Variants in BIRC6 observed in about 807,000 individuals in gnomAD.
The protein encoded by BIRC6 is dual E2 ubiquitin-conjugating enzyme/E3 ubiquitin-protein ligase BIRC6.
Under a neutral mutation model 503.3 loss-of-function variants are expected in BIRC6, and 98 were observed. That is an observed-to-expected ratio of 0.19 (90% CI 0.17 to 0.23). BIRC6 has a LOEUF of 0.23. Among genes scored for constraint, BIRC6 ranks in the 10% least tolerant of loss-of-function variants. The pLI is 1.00. For missense variants in BIRC6, 5,360 were observed against 5,806.0 expected, an observed-to-expected ratio of 0.92 and a Z score of 2.50; for synonymous variants, 2,240 against 2,078.7, an observed-to-expected ratio of 1.08 and a Z score of -2.11.
At chr2:32,592,073 G>A (rs1422978776) in intron 66 of BIRC6, among the ~76,000 whole-genome samples, 1 of 152,110 alleles carries the variant, frequency 6.6e-6, no homozygotes, top group Non-Finnish European at 1.5e-5. Context: ...TAGTTGACTC[G>A]AGCAGTAAAA....
At chr2:32,458,749 C>T (rs1280207687) in intron 23 of BIRC6, among the ~76,000 whole-genome samples, 1 of 131,620 alleles carries the variant, frequency 7.6e-6, no homozygotes, top group African/African-American at 3.0e-5. Context: ...GGCTGAAGTG[C>T]AGTGGCTCAA....
rs761915510 is a variant in BIRC6 at position 32,470,263 on chromosome 2, C to G, written c.6443C>G (p.Pro2148Arg). 4.4e-6 allele frequency: 7 copies of G among 1,574,410 alleles called. No homozygotes were observed. The highest frequency in any genetic ancestry group is 5.2e-6 in the Non-Finnish European group (6 of 1,158,446). The change falls in exon 31 of 74, where the codon CCT becomes CGT. Residue 2148 changes from proline to arginine, a missense_variant. By Grantham distance (103) the Pro-to-Arg change is moderately radical. This residue lies in a region of BIRC6 where 2,299 missense variants were observed against 2,267.2 expected (regional missense o/e 1.01). Coordinates refer to ENST00000421745, the MANE Select transcript of BIRC6 (RefSeq NM_016252.4). ...LLNLLDNLLSPLQPQLPMHRR... is the reference protein window; with the variant it reads ...LLNLLDNLLSRLQPQLPMHRR... ...AATCTCTTGGATAATTTATTGTCAC[C>G]TCTTCAGCCACAGTTACCCATGCAT...
intron 53 of BIRC6, among the ~76,000 whole-genome samples, chr2:32,511,833 A>G (rs1033688621): frequency 5.9e-5 from 9 of 152,112 alleles, no homozygotes; most frequent in Non-Finnish European, 1.0e-4. Flanking sequence ...TATTAAAATT[A>G]TGGATTACAT....
chr2:32,426,889 G>A (rs2147851106), intron 10 of BIRC6, among the ~76,000 whole-genome samples: 1 of 152,232 alleles, frequency 6.6e-6, no homozygotes, highest in East Asian at 1.9e-4. Flanking sequence ...ATTCATTTTT[G>A]AGGATTAATG....
chr2:32,435,439 AT>A, intron 13 of BIRC6, 56 bp from the exon 14 acceptor site: 2 of 1,453,948 alleles, frequency 1.4e-6, no homozygotes, highest in South Asian at 1.5e-5. Flanking sequence ...GTTTACTAAT[AT>A]TTTTATCCTC....
In BIRC6 at chr2:32,531,791, A is replaced by T. The variant is rs80146746; in HGVS notation, c.12291+240A>T. 5.9e-5 allele frequency among the ~76,000 whole-genome samples: 9 copies of T among 152,328 alleles called. No individual in the cohort carries two copies. In the South Asian group the frequency reaches 8.3e-4, roughly 14 times the overall value. On this transcript the variant is annotated intron_variant, in intron 61 of 73. Coordinates refer to ENST00000421745, the MANE Select transcript of BIRC6 (RefSeq NM_016252.4). ...CCAGACTTACTACACTGTTGCATTT[A>T]TCTTGATTTCATGGTTGTAACACTA...
chr2:32,441,886 G>A (rs993782950), intron 17 of BIRC6, among the ~76,000 whole-genome samples, 179 bp from the exon 18 acceptor site: 4 of 152,032 alleles, frequency 2.6e-5, no homozygotes, highest in East Asian at 1.9e-4. Flanking sequence ...ACACATTATT[G>A]TAAATGTTAT....
Position 32,388,101 on chromosome 2 carries a change from C to T in BIRC6, c.646-649C>T, listed in dbSNP as rs887935163. Among the ~76,000 whole-genome samples, 9 of 151,894 alleles carry T rather than the reference C, an allele frequency of 5.9e-5. 1 individual carries two copies. Among genetic ancestry groups the T allele is most frequent in the Admixed American group, 2.0e-4 (3 of 15,220 alleles). On this transcript the variant is annotated intron_variant, in intron 3 of 73. Transcript: ENST00000421745. The stretch of plus-strand genomic sequence containing the variant: ...TTTAGCAATTTTGAAATATACAATA[C>T]GTGGGCCAGGCGCAGTGGCTCATGC...
chr2:32,500,405 C>T (rs1409213796), intron 46 of BIRC6, among the ~76,000 whole-genome samples: 1 of 148,114 alleles, frequency 6.8e-6, no homozygotes, highest in East Asian at 2.0e-4. Context: ...AGGTGCCTGC[C>T]ACCACACCCA....
intron 5 of BIRC6, among the ~76,000 whole-genome samples, chr2:32,394,194 A>G (rs1353840520): frequency 2.0e-5 from 3 of 149,224 alleles, no homozygotes; most frequent in African/African-American, 7.4e-5. Flanking sequence ...TGTTCATTAT[A>G]TTCTGTCTTT....
rs1208638879 is a variant in BIRC6 at position 32,545,693 on chromosome 2, C to G, written c.12643C>G (p.His4215Asp). ...CAATGTGCTTCCAACCCTTCCTTTCCACGTCCTTCGTAGCTTGTTTAGCAC... is the reference window on the plus strand; with the variant it reads ...CAATGTGCTTCCAACCCTTCCTTTCGACGTCCTTCGTAGCTTGTTTAGCAC... The part of the protein sequence containing the change: ...SANVLPTLPF[H>D]VLRSLFSTTP... Residue 4215 changes from histidine (H) to aspartate (D), a missense_variant, in exon 63 of 74, where the codon CAC (histidine) becomes GAC (aspartate). Physicochemically the swap from His to Asp is moderately conservative, Grantham distance 81. Around this residue, in one of 16 missense-constraint regions of BIRC6, gnomAD observed 477 missense variants for 574.4 expected, o/e 0.83. Coordinates refer to ENST00000421745, the MANE Select transcript of BIRC6 (RefSeq NM_016252.4). The G allele has an allele frequency of 6.2e-7, 1 of 1,613,658 alleles. No homozygotes were observed. The highest frequency in any genetic ancestry group is 2.2e-5 in the East Asian group (1 of 44,878).
In BIRC6 at chr2:32,593,797, T is replaced by C. The variant is rs540659245; in HGVS notation, c.13356-118T>C. The C allele has an allele frequency of 1.1e-5, 10 of 893,388 alleles. No individual in the cohort carries two copies. The South Asian group carries it at 1.2e-4, about 11-fold the overall frequency. 55.3% of individuals were successfully genotyped at this position (893,388 alleles called of 1,614,324 possible). ...CAGTGGCTTCAAAAGCAAGTTAATA[T>C]AGATCATGTGTGTGACAAATGAAAT... is the stretch of plus-strand genomic sequence containing the variant. On this transcript the variant is annotated intron_variant, in intron 66 of 73. Transcript: ENST00000421745.
intron 21 of BIRC6, among the ~76,000 whole-genome samples, chr2:32,446,028 G>A (rs1029442563): frequency 8.6e-5 from 13 of 151,750 alleles, no homozygotes; most frequent in African/African-American, 3.1e-4. Flanking sequence ...GGCTAATTTT[G>A]TATGTTTAGT....
chr2:32,578,426 A>G (rs891947957), intron 66 of BIRC6, among the ~76,000 whole-genome samples: 1 of 152,146 alleles, frequency 6.6e-6, no homozygotes, highest in African/African-American at 2.4e-5. Flanking sequence ...ATTCAGGAAA[A>G]TGTGTTCTGT....
intron 22 of BIRC6, 134 bp from the exon 23 acceptor site, chr2:32,453,674 G>C: frequency 1.3e-6 from 1 of 788,712 alleles, no homozygotes; most frequent in South Asian, 2.3e-5. Flanking sequence ...CCATGCCCAT[G>C]ATTCAAGCAC....
chr2:32,591,825 G>A (rs947795278), intron 66 of BIRC6, among the ~76,000 whole-genome samples: 4 of 152,160 alleles, frequency 2.6e-5, no homozygotes, highest in Non-Finnish European at 5.9e-5. Context: ...TGGTAATAGA[G>A]AATCATTTAC....
At chr2:32,555,154 A>G (rs1322069418) in intron 65 of BIRC6, among the ~76,000 whole-genome samples, 1 of 152,196 alleles carries the variant, frequency 6.6e-6, no homozygotes, top group Admixed American at 6.5e-5. Flanking sequence ...ATCCTTATTT[A>G]TAGTTTTCAT....
chr2:32,549,976 A>G (rs1270200904), intron 65 of BIRC6, among the ~76,000 whole-genome samples: 9 of 152,210 alleles, frequency 5.9e-5, no homozygotes, highest in Admixed American at 5.9e-4. Flanking sequence ...CCAGTATACA[A>G]CTGATTATTG....
intron 9 of BIRC6, among the ~76,000 whole-genome samples, chr2:32,411,414 T>C (rs908566422): frequency 6.8e-6 from 1 of 148,090 alleles, no homozygotes; most frequent in African/African-American, 2.5e-5. Flanking sequence ...TATATATATA[T>C]ATATTTTATT....
Sources: gnomAD v4.1 joint callset for allele counts (sites outside exome capture counted in the v4.1 genomes callset) on GRCh38, gnomAD v4.1.1 for gene constraint, gnomAD v4.1.1 regional missense constraint, MANE v1.5 for transcripts, NCBI Gene and HGNC (gene_info 2026-07-23, HGNC 2026-07-21) for gene names.